The following LRRC69 variants were observed in gnomAD, a reference collection of about 807,000 sequenced individuals.
The protein encoded by LRRC69 is leucine-rich repeat-containing protein 69.
LRRC69 carries 42 observed loss-of-function variants against 37.8 expected under a neutral mutation model. The observed-to-expected ratio is 1.11, with a 90% CI of 0.87 to 1.44. LRRC69 has a LOEUF of 1.44. Among genes scored for constraint, LRRC69 ranks in the 40% most tolerant of loss-of-function variants. The probability of loss-of-function intolerance (pLI) is 0.00; values close to 1 mark genes in which losing one functional copy is unlikely to be tolerated. For synonymous variants in LRRC69, 141 were observed against 143.1 expected, an observed-to-expected ratio of 0.99 and a Z score of 0.11; for missense variants, 357 against 401.9, an observed-to-expected ratio of 0.89 and a Z score of 0.96.
intron 1 of LRRC69, among the ~76,000 whole-genome samples, chr8:91,115,428 C>T (rs1813494569): frequency 6.6e-6 from 1 of 151,902 alleles, no homozygotes; most frequent in South Asian, 2.1e-4. Flanking sequence ...TCCAGCCAGT[C>T]CCCAGCACTG....
In LRRC69 at chr8:91,170,348, A is replaced by G. The variant is rs562929887; in HGVS notation, c.652-19174A>G. Among the ~76,000 whole-genome samples the G allele has an allele frequency of 8.7e-4, 132 of 150,968 alleles. No homozygotes were observed. The East Asian group carries it at 0.02, about 23-fold the overall frequency. On this transcript the variant is annotated intron_variant, in intron 5 of 7. Transcript: ENST00000448384. ...CTGCCCAAGGTAATTTACAGATTCA[A>G]TGCCATCCCCATCAAGCTACCAATG...
intron 7 of LRRC69, among the ~76,000 whole-genome samples, chr8:91,217,268 A>G (rs1476004463): frequency 6.6e-6 from 1 of 152,160 alleles, no homozygotes; most frequent in Non-Finnish European, 1.5e-5. Flanking sequence ...AAGAAACCCA[A>G]CTCATATACC....
intron 5 of LRRC69, among the ~76,000 whole-genome samples, chr8:91,179,881 ACGT>A (rs1212865396): frequency 3.3e-5 from 5 of 152,148 alleles, no homozygotes; most frequent in Non-Finnish European, 7.3e-5. Context: ...TTACAATGAA[ACGT>A]CGTATGTGTA....
At chr8:91,110,660 G>A (rs1813393301) in intron 1 of LRRC69, among the ~76,000 whole-genome samples, 1 of 151,934 alleles carries the variant, frequency 6.6e-6, no homozygotes, top group Non-Finnish European at 1.5e-5. Context: ...CCAGGGAGTG[G>A]GGGAGTTTAT....
chr8:91,108,838 G>T (rs563481209), intron 1 of LRRC69, among the ~76,000 whole-genome samples: 1 of 152,018 alleles, frequency 6.6e-6, no homozygotes, highest in East Asian at 1.9e-4. Context: ...CCAAAGAATT[G>T]GACATCCCTG....
At chr8:91,173,891 C>T (rs958734528) in intron 5 of LRRC69, among the ~76,000 whole-genome samples, 19 of 151,042 alleles carry the variant, frequency 1.3e-4, no homozygotes, top group Admixed American at 9.9e-4. Context: ...TTCAACATAA[C>T]GAATTTTTGG....
chr8:91,141,117 G>A (rs892141923), intron 5 of LRRC69, among the ~76,000 whole-genome samples: 3 of 152,054 alleles, frequency 2.0e-5, no homozygotes, highest in Admixed American at 2.0e-4. Flanking sequence ...ATTTGTATCT[G>A]TCTTTCAGAG....
At chr8:91,156,144 G>A (rs1808830889) in intron 5 of LRRC69, among the ~76,000 whole-genome samples, 1 of 150,788 alleles carries the variant, frequency 6.6e-6, no homozygotes, top group Admixed American at 6.6e-5. Context: ...CATAATGGAT[G>A]TACTAATTTA....
chr8:91,175,571 A>G (rs1356968276), intron 5 of LRRC69, among the ~76,000 whole-genome samples: 5 of 151,908 alleles, frequency 3.3e-5, no homozygotes, highest in African/African-American at 1.2e-4. Context: ...GCCAGGCTAT[A>G]TTGGCTTTCT....
Position 91,146,311 on chromosome 8 carries a change from T to G in LRRC69, c.651+10572T>G, listed in dbSNP as rs1398811907. On this transcript the variant is annotated intron_variant, in intron 5 of 7. Coordinates refer to ENST00000448384, the Ensembl canonical transcript of LRRC69. ...TTCAGCAACATTCACCTCTCATCTC[T>G]CTTGTTGAGAGGCCAGAAGGACAGG... is the stretch of plus-strand genomic sequence containing the variant. Among the ~76,000 whole-genome samples the G allele has an allele frequency of 2.0e-5, 3 of 151,774 alleles. No homozygotes were observed. The East Asian group carries it at 5.8e-4, about 29-fold the overall frequency.
intron 5 of LRRC69, chr8:91,157,490 G>T (rs757619497): frequency 6.3e-7 from 1 of 1,584,988 alleles, no homozygotes. Context: ...GCAAATTGGA[G>T]ACAGAAAGAT....
chr8:91,133,927 C>T (rs1048604672), intron 4 of LRRC69, among the ~76,000 whole-genome samples: 1 of 152,024 alleles, frequency 6.6e-6, no homozygotes, highest in African/African-American at 2.4e-5. Context: ...CCACCGCACC[C>T]AGCCTTGATA....
At position 91,197,426 on chromosome 8, in the gene LRRC69, G is replaced by C. The variant is rs1398959707; in HGVS notation, c.754-3187G>C. On this transcript the variant is annotated intron_variant, in intron 6 of 7. Coordinates refer to ENST00000448384, the Ensembl canonical transcript of LRRC69. The stretch of plus-strand genomic sequence containing the variant: ...CCTAATCAAGCCTGGCCAATGGCGG[G>C]CGCCCCTCCCCCAGCCTCGCTGCCG... Among the ~76,000 whole-genome samples the C allele has an allele frequency of 5.3e-5, 8 of 152,144 alleles. No homozygotes were observed. In the East Asian group the frequency reaches 5.8e-4, roughly 11 times the overall value.
chr8:91,197,507 T>C (rs1213747265), intron 6 of LRRC69, among the ~76,000 whole-genome samples: 1 of 151,810 alleles, frequency 6.6e-6, no homozygotes, highest in Non-Finnish European at 1.5e-5. Flanking sequence ...TCCGTGGGCG[T>C]AGGACCCTCC....
At chr8:91,156,697 C>T (rs984439388) in intron 5 of LRRC69, among the ~76,000 whole-genome samples, 2 of 150,994 alleles carry the variant, frequency 1.3e-5, no homozygotes, top group Non-Finnish European at 3.0e-5. Flanking sequence ...TCTTTGCCCA[C>T]ACTAATTCCT....
At chr8:91,130,078 A>G (rs1586234616) in intron 3 of LRRC69, among the ~76,000 whole-genome samples, 1 of 151,982 alleles carries the variant, frequency 6.6e-6, no homozygotes, top group East Asian at 1.9e-4. Flanking sequence ...ACACCCTTCC[A>G]GTGAATTCTT....
At chr8:91,215,734 A>G (rs1810033586) in intron 7 of LRRC69, among the ~76,000 whole-genome samples, 1 of 152,138 alleles carries the variant, frequency 6.6e-6, no homozygotes, top group East Asian at 1.9e-4. Context: ...GAGTGCTTTG[A>G]TCTCTATCTA....
chr8:91,177,853 T>TTTC (rs1554594687), intron 5 of LRRC69, among the ~76,000 whole-genome samples: 17 of 148,910 alleles, frequency 1.1e-4, no homozygotes, highest in African/African-American at 4.0e-4. Flanking sequence ...TGCTTTTCTT[T>TTTC]TTTTTTTTTT....
intron 5 of LRRC69, among the ~76,000 whole-genome samples, chr8:91,181,478 G>A (rs1049402468): frequency 6.6e-6 from 1 of 152,056 alleles, no homozygotes; most frequent in African/African-American, 2.4e-5. Context: ...TTATAATCTT[G>A]TGGCATGTTT....
Sources: allele counts gnomAD v4.1 joint callset (sites outside exome capture counted in the v4.1 genomes callset), GRCh38; gene constraint gnomAD v4.1.1; transcripts MANE v1.5; gene names NCBI Gene and HGNC (gene_info 2026-07-23, HGNC 2026-07-21).